FSIP2: variants seen among roughly 807,000 people sequenced by gnomAD.
The protein encoded by FSIP2 is fibrous sheath interacting protein 2, also known as fibrous sheath-interacting protein 2.
Under a neutral mutation model 510.5 loss-of-function variants are expected in FSIP2, and 367 were observed. That is an observed-to-expected ratio of 0.72 (90% CI 0.66 to 0.78). The LOEUF is 0.78. Among genes scored for constraint, FSIP2 ranks in the 30% least tolerant of loss-of-function variants. FSIP2 has a pLI of 0.00. For missense variants in FSIP2, 7,594 were observed against 7,901.7 expected (o/e 0.96, Z 1.48); for synonymous variants, 2,601 against 2,732.2 (o/e 0.95, Z 1.50).
rs377598863 is a variant in FSIP2 at position 185,828,159 on chromosome 2, G to A, written c.20477G>A (p.Ser6826Asn). 1 of 1,558,922 alleles carries A rather than the reference G, an allele frequency of 6.4e-7. No individual in the cohort carries two copies. The highest frequency in any genetic ancestry group is 1.1e-5 in the South Asian group (1 of 89,090). Residue 6826 changes from serine to asparagine, a missense_variant, in exon 21 of 23, where the codon AGT (serine) becomes AAT (asparagine). By Grantham distance (46) the Ser-to-Asn change is conservative. Coordinates refer to ENST00000424728, the MANE Select transcript of FSIP2 (RefSeq NM_173651.4). ...SDPSAKILEE[S>N]SQEQKPEHGN... is the part of the protein sequence containing the mutation. ...TTTTTTTTTTTAATCTCTACAGAAA[G>A]TTCTCAGGAACAAAAGCCAGAGCAT...
In FSIP2 at chr2:185,800,617, A is replaced by T. The variant is rs1357657100; in HGVS notation, c.11311A>T (p.Thr3771Ser). Residue 3771 changes from threonine (T) to serine (S), a missense_variant, in exon 17 of 23, where the codon ACT becomes TCT. Thr to Ser is a moderately conservative substitution (Grantham distance 58). Coordinates refer to ENST00000424728, the MANE Select transcript of FSIP2 (RefSeq NM_173651.4). ...IRILLEECTSTAFPDKGSVSE... is the reference protein window; with the variant it reads ...IRILLEECTSSAFPDKGSVSE... ...AATACTTTTGGAAGAATGCACAAGC[A>T]CTGCTTTTCCTGATAAAGGGTCTGT... 42 of 1,532,934 alleles carry T rather than the reference A, an allele frequency of 2.7e-5. No individual in the cohort carries two copies. Among genetic ancestry groups the T allele is most frequent in the Non-Finnish European group, 3.7e-5 (42 of 1,145,440 alleles). 95.0% of individuals were successfully genotyped at this position (1,532,934 alleles called of 1,614,324 possible).
chr2:185,753,873 G>A (rs772749213), intron 8 of FSIP2, 31 bp downstream of exon 8: 14 of 1,381,760 alleles, frequency 1.0e-5, no homozygotes, highest in Non-Finnish European at 1.3e-5. Context: ...AGATGATGTA[G>A]CTAAGTAGAA....
In FSIP2 at chr2:185,789,295, C is replaced by T. The variant is rs1693061177; in HGVS notation, c.2159C>T (p.Thr720Ile). 1 of 1,534,498 alleles carries T rather than the reference C, an allele frequency of 6.5e-7. No individual in the cohort carries two copies. The highest frequency in any genetic ancestry group is 8.7e-7 in the Non-Finnish European group (1 of 1,145,920). The change falls in exon 16 of 23, where the codon ACC becomes ATC. Residue 720 changes from threonine (T) to isoleucine (I), a missense_variant. Transcript: ENST00000424728. Reference sequence around the variant, plus strand: ...TTGCGAGAAATAATGTCTGATTTAACCCAGGCCATTCCCTCTCTCTCTTCT... The same window carrying T: ...TTGCGAGAAATAATGTCTGATTTAATCCAGGCCATTCCCTCTCTCTCTTCT... ...SILREIMSDL[T>I]QAIPSLSSVT...
At chr2:185,820,069 G>C (rs557307863) in intron 19 of FSIP2, among the ~76,000 whole-genome samples, 1 of 151,960 alleles carries the variant, frequency 6.6e-6, no homozygotes, top group African/African-American at 2.4e-5. Flanking sequence ...ATATGGTTTG[G>C]CTATGTCCCC....
intron 7 of FSIP2, among the ~76,000 whole-genome samples, chr2:185,752,341 T>C (rs1198077236): frequency 6.6e-6 from 1 of 151,140 alleles, no homozygotes; most frequent in East Asian, 1.9e-4. Context: ...TTTGTTTTTC[T>C]GGAAACTTTA....
chr2:185,802,952 C>A lies in FSIP2; in HGVS notation c.13646C>A (p.Ala4549Glu), dbSNP rs1574194650. ...CAGCACCTTGTTGATTCAGTATTTGCAAATGTTGTGCAAACCTCTGGTTCT... is the reference window on the plus strand; with the variant it reads ...CAGCACCTTGTTGATTCAGTATTTGAAAATGTTGTGCAAACCTCTGGTTCT... ...DIQHLVDSVF[A>E]NVVQTSGSQE... The change falls in exon 17 of 23, where the codon GCA (alanine) becomes GAA (glutamate). Residue 4549 changes from alanine (A) to glutamate (E), a missense_variant. Ala to Glu is a moderately radical substitution (Grantham distance 107). Transcript: ENST00000424728. The A allele has an allele frequency of 1.3e-6, 2 of 1,524,236 alleles. No homozygotes were observed. Among genetic ancestry groups the A allele is most frequent in the South Asian group, 2.4e-5 (2 of 81,666 alleles). 94.4% of individuals were successfully genotyped at this position (1,524,236 alleles called of 1,614,324 possible). A position where few individuals can be genotyped will look rare whatever the true frequency, so the allele number is the denominator to read the frequency against.
intron 13 of FSIP2, among the ~76,000 whole-genome samples, chr2:185,779,009 T>C (rs948014230): frequency 6.6e-6 from 1 of 152,012 alleles, no homozygotes; most frequent in Non-Finnish European, 1.5e-5. Context: ...CCATAAGTTA[T>C]GTTTTTTGCC....
At chr2:185,829,608 A>G (rs1486209454) in intron 21 of FSIP2, among the ~76,000 whole-genome samples, 2 of 151,988 alleles carry the variant, frequency 1.3e-5, no homozygotes, top group Non-Finnish European at 2.9e-5. Context: ...GCCTCAAGGC[A>G]AGGTGCCCTC....
At chr2:185,777,715 C>T (rs902626664) in intron 13 of FSIP2, among the ~76,000 whole-genome samples, 8 of 151,904 alleles carry the variant, frequency 5.3e-5, no homozygotes, top group Middle Eastern at 3.2e-3. Context: ...TTCTATCTAT[C>T]GTGTGTTTTT....
chr2:185,774,050 A>G (rs914417843), intron 13 of FSIP2, among the ~76,000 whole-genome samples: 3 of 152,210 alleles, frequency 2.0e-5, no homozygotes, highest in African/African-American at 7.2e-5. Flanking sequence ...TAGACATTCA[A>G]CCAAGTCCCT....
In FSIP2 at chr2:185,795,924, C is replaced by G. The variant is rs1165540024; in HGVS notation, c.8788C>G (p.Leu2930Val). Reference protein sequence around the residue: ...IVEMLLEKLQLCFLSQIPTPD... With the variant: ...IVEMLLEKLQVCFLSQIPTPD... ...TGAAATGCTACTTGAAAAACTACAG[C>G]TATGCTTTCTGTCCCAAATTCCCAC... Residue 2930 changes from leucine to valine, a missense_variant, in exon 16 of 23, where the codon CTA becomes GTA. Physicochemically the swap from Leu to Val is conservative, Grantham distance 32. Coordinates refer to ENST00000424728, the MANE Select transcript of FSIP2 (RefSeq NM_173651.4). 8.5e-6 allele frequency: 13 copies of G among 1,534,180 alleles called. No homozygotes were observed. Among genetic ancestry groups the G allele is most frequent in the Non-Finnish European group, 1.0e-5 (12 of 1,145,574 alleles).
At chr2:185,824,623 T>G in intron 20 of FSIP2, 143 bp downstream of exon 20, 1 of 592,880 alleles carries the variant, frequency 1.7e-6, no homozygotes, top group East Asian at 2.9e-5. Context: ...TATTACCTCA[T>G]TCAGGTGTTA....
intron 7 of FSIP2, among the ~76,000 whole-genome samples, chr2:185,747,978 T>C (rs1022451182): frequency 2.0e-5 from 3 of 152,084 alleles, no homozygotes; most frequent in Admixed American, 1.3e-4. Flanking sequence ...TTTTTTCATG[T>C]AATAAAATGC....
chr2:185,808,554 A>C lies in FSIP2; in HGVS notation c.19248A>C (p.Glu6416Asp). The C allele has an allele frequency of 6.2e-7, 1 of 1,612,566 alleles. No individual in the cohort carries two copies. The highest frequency in any genetic ancestry group is 8.5e-7 in the Non-Finnish European group (1 of 1,179,296). The change falls in exon 17 of 23, where the codon GAA (glutamate) becomes GAC (aspartate). Residue 6416 changes from glutamate (E) to aspartate (D), a missense_variant. Transcript: ENST00000424728. ...ACTGTTTAAATCCAGAAAATACAGA[A>C]AGGATTTATCAGGTTGTCGATTCCG... ...EEHCLNPENT[E>D]RIYQVVDSVY...
At chr2:185,758,837 C>G (rs1220907237) in intron 9 of FSIP2, among the ~76,000 whole-genome samples, 3 of 151,184 alleles carry the variant, frequency 2.0e-5, no homozygotes, top group Non-Finnish European at 4.4e-5. Context: ...TGTCTTTATG[C>G]AAATACCTCA....
At position 185,804,045 on chromosome 2, in the gene FSIP2, T is replaced by A. The variant is rs1165433808; in HGVS notation, c.14739T>A (p.Ser4913=). ...ACCATCATATTCAATCATTTTTATC[T>A]GAAGATAAAACTCTCCTTTTGGCAG... ...IFNHHIQSFL[S]EDKTLLLAAV... is the part of the protein sequence containing the mutation. The change falls in exon 17 of 23, where the codon TCT becomes TCA. Residue 4913 remains serine, a synonymous_variant. Coordinates refer to ENST00000424728, the MANE Select transcript of FSIP2 (RefSeq NM_173651.4). 10 of 1,512,554 alleles carry A rather than the reference T, an allele frequency of 6.6e-6. No homozygotes were observed. In the East Asian group the frequency reaches 2.0e-4, roughly 30 times the overall value. 93.7% of individuals were successfully genotyped at this position (1,512,554 alleles called of 1,614,324 possible).
chr2:185,814,389 CT>C (rs1304150883), intron 18 of FSIP2, among the ~76,000 whole-genome samples: 1 of 152,012 alleles, frequency 6.6e-6, no homozygotes, highest in Non-Finnish European at 1.5e-5. Context: ...GAGCCTAATG[CT>C]ACTAGAATAG....
chr2:185,778,847 G>T (rs956970110), intron 13 of FSIP2, among the ~76,000 whole-genome samples: 5 of 151,818 alleles, frequency 3.3e-5, no homozygotes, highest in Non-Finnish European at 1.5e-5. Context: ...AAAAATTATT[G>T]AAAATAATGA....
chr2:185,799,569 T>C (rs1271891680), intron 16 of FSIP2, 128 bp from the exon 17 acceptor site: 1 of 439,382 alleles, frequency 2.3e-6, no homozygotes, highest in Non-Finnish European at 3.8e-6. Context: ...ATTTCTTTTT[T>C]TGTTTAGATT....
Sources: gnomAD v4.1 joint callset for allele counts (sites outside exome capture counted in the v4.1 genomes callset) on GRCh38, gnomAD v4.1.1 for gene constraint, MANE v1.5 for transcripts, NCBI Gene and HGNC (gene_info 2026-07-23, HGNC 2026-07-21) for gene names.